TAF1B: variants seen among roughly 807,000 people sequenced by gnomAD.
TAF1B encodes the protein TATA-box binding protein associated factor, RNA polymerase I subunit B, also known as TATA box-binding protein-associated factor RNA polymerase I subunit B.
A neutral mutation model predicts 83.9 loss-of-function variants in TAF1B; 61 were observed. That is an observed-to-expected ratio of 0.73 (90% confidence interval 0.59 to 0.90). The LOEUF (loss-of-function observed/expected upper bound fraction) is 0.90. TAF1B is among the 40% of genes least tolerant of loss of function. TAF1B has a pLI of 0.00. For missense variants in TAF1B, 625 were observed against 677.0 expected, an observed-to-expected ratio of 0.92 and a Z score of 0.85; for synonymous variants, 221 against 224.6, an observed-to-expected ratio of 0.98 and a Z score of 0.14.
chr2:9,890,946 AT>A (rs1664853737), intron 8 of TAF1B, among the ~76,000 whole-genome samples: 1 of 151,658 alleles, frequency 6.6e-6, no homozygotes, highest in African/African-American at 2.4e-5. Flanking sequence ...ACTTTTTTGT[AT>A]TTTTAGTAGA....
chr2:9,904,976 A>G lies in TAF1B; in HGVS notation c.925A>G (p.Met309Val). Residue 309 changes from methionine (M) to valine (V), a missense_variant, in exon 9 of 15, where the codon ATG (methionine) becomes GTG (valine). Transcript: ENST00000263663. ...CTATCTTCATCCCAACATACTGTGT[A>G]TGAAATACTTGATGGAAGTCAACCT... ...DCYLHPNILC[M>V]KYLMEVNLPD... The G allele has an allele frequency of 6.2e-7, 1 of 1,612,664 alleles. No individual in the cohort carries two copies.
At chr2:9,911,247 A>G (rs1037199098) in intron 10 of TAF1B, among the ~76,000 whole-genome samples, 3 of 152,144 alleles carry the variant, frequency 2.0e-5, no homozygotes, top group Non-Finnish European at 4.4e-5. Context: ...ATCTCTATCT[A>G]TATCCCTTTA....
chr2:9,851,659 A>C (rs1663398651), intron 4 of TAF1B, 21 bp downstream of exon 4: 1 of 1,575,248 alleles, frequency 6.3e-7, no homozygotes, highest in African/African-American at 1.4e-5. Context: ...TTGTGACTAG[A>C]TGTTAGCTTT....
intron 12 of TAF1B, among the ~76,000 whole-genome samples, chr2:9,918,401 T>C (rs1288533621): frequency 6.6e-6 from 1 of 152,130 alleles, no homozygotes; most frequent in Non-Finnish European, 1.5e-5. Context: ...AGATGGCTCT[T>C]AGTGTTTGTC....
chr2:9,926,804 CAAAAAAAAA>C (rs71391175), intron 14 of TAF1B, among the ~76,000 whole-genome samples: 2 of 104,850 alleles, frequency 1.9e-5, no homozygotes, highest in African/African-American at 8.3e-5. Flanking sequence ...GACTCTGTCT[CAAAAAAAAA>C]AAAAAAAAAG....
chr2:9,931,429 C>G (rs1222407765), intron 14 of TAF1B, among the ~76,000 whole-genome samples: 1 of 152,084 alleles, frequency 6.6e-6, no homozygotes, highest in Non-Finnish European at 1.5e-5. Flanking sequence ...ACTTATGAAG[C>G]TTAGTTTGGC....
chr2:9,904,882 C>G lies in TAF1B; in HGVS notation c.831C>G (p.Ile277Met). 1 of 1,610,868 alleles carries G rather than the reference C, an allele frequency of 6.2e-7. No individual in the cohort carries two copies. Among genetic ancestry groups the G allele is most frequent in the Non-Finnish European group, 8.5e-7 (1 of 1,177,200 alleles). The change falls in exon 9 of 15, where the codon ATC (isoleucine) becomes ATG (methionine). Residue 277 changes from isoleucine (I) to methionine (M), a missense_variant. Physicochemically the swap from Ile to Met is conservative, Grantham distance 10 (BLOSUM62 1). Transcript: ENST00000263663. ...AGTCTTGGCCTGACTACGAGGACATCTACAAAAAAACAGTAGAAGTTGGAA... is the reference window on the plus strand; with the variant it reads ...AGTCTTGGCCTGACTACGAGGACATGTACAAAAAAACAGTAGAAGTTGGAA... ...GIESWPDYED[I>M]YKKTVEVGTF... is the part of the protein sequence containing the mutation.
At chr2:9,906,704 A>G (rs768070780) in intron 9 of TAF1B, among the ~76,000 whole-genome samples, 3 of 152,240 alleles carry the variant, frequency 2.0e-5, no homozygotes, top group Non-Finnish European at 4.4e-5. Flanking sequence ...AACCACAGCT[A>G]CAGAAAATGA....
At chr2:9,908,028 CTTTTTTTTT>C (rs57261740) in intron 9 of TAF1B, among the ~76,000 whole-genome samples, 18,244 of 71,880 alleles carry the variant, frequency 0.25, 4,122 homozygotes, top group East Asian at 0.49. Context: ...GATCTTAATT[CTTTTTTTTT>C]TTTTTTTTTT....
At chr2:9,872,889 A>T (rs1664212377) in intron 6 of TAF1B, among the ~76,000 whole-genome samples, 1 of 152,214 alleles carries the variant, frequency 6.6e-6, no homozygotes, top group Admixed American at 6.5e-5. Context: ...TTACGTTCTC[A>T]GGTGATACTA....
chr2:9,905,950 C>A (rs969251218), intron 9 of TAF1B, among the ~76,000 whole-genome samples: 3 of 151,970 alleles, frequency 2.0e-5, no homozygotes, highest in African/African-American at 7.2e-5. Context: ...TATTGAGATT[C>A]CAGAAATCAG....
chr2:9,925,284 CA>C (rs1666001815), intron 14 of TAF1B, among the ~76,000 whole-genome samples: 1 of 151,722 alleles, frequency 6.6e-6, no homozygotes, highest in Non-Finnish European at 1.5e-5. Flanking sequence ...TACTAAAATA[CA>C]AAAAATTAGC....
intron 6 of TAF1B, among the ~76,000 whole-genome samples, chr2:9,870,904 C>A (rs1357826504): frequency 6.6e-6 from 1 of 152,120 alleles, no homozygotes; most frequent in Non-Finnish European, 1.5e-5. Context: ...TATTACTAAT[C>A]CATAATTTAT....
chr2:9,913,088 C>A, intron 11 of TAF1B, 71 bp from the exon 12 acceptor site: 2 of 1,311,304 alleles, frequency 1.5e-6, no homozygotes, highest in East Asian at 2.3e-5. Flanking sequence ...TTAATGAAAA[C>A]TCAGATGAAC....
rs981647988 is a variant in TAF1B at position 9,934,204 on chromosome 2, A to G, written c.*220A>G. The G allele has an allele frequency of 7.0e-6, 3 of 427,196 alleles. No individual in the cohort carries two copies. Among genetic ancestry groups the G allele is most frequent in the Non-Finnish European group, 1.3e-5 (3 of 239,762 alleles). 26.5% of individuals were successfully genotyped at this position (427,196 alleles called of 1,614,324 possible). On this transcript the variant is annotated 3_prime_UTR_variant, in exon 15 of 15. Transcript: ENST00000263663. ...TCAGAGTATGAACATTCTAAGAGAA[A>G]GTTAAAACAATAGCAAATTGTATAA...
intron 1 of TAF1B, chr2:9,843,901 A>C: frequency 1.3e-5 from 2 of 155,860 alleles, no homozygotes; most frequent in Non-Finnish European, 1.4e-5. Context: ...GTTCCCTTTA[A>C]TGCTGGGGTG....
intron 14 of TAF1B, among the ~76,000 whole-genome samples, chr2:9,922,890 CTCAA>C (rs1217066278): frequency 6.6e-6 from 1 of 152,148 alleles, no homozygotes; most frequent in Non-Finnish European, 1.5e-5. Flanking sequence ...ATAGTAAGTA[CTCAA>C]TCAAACATAA....
chr2:9,933,887 T>A lies in TAF1B; in HGVS notation c.1670T>A (p.Leu557His). 6.2e-7 allele frequency: 1 copy of A among 1,613,748 alleles called. No individual in the cohort carries two copies. The change falls in exon 15 of 15, where the codon CTC becomes CAC. Residue 557 changes from leucine to histidine, a missense_variant. Leu to His is a moderately conservative substitution (Grantham distance 99). Transcript: ENST00000263663. The part of the protein sequence containing the change: ...SFLLRIKTSL[L>H]HEEVSLVEKK... ...CTGCTCAGAATAAAGACTTCCCTTC[T>A]CCATGAAGAAGTGAGCTTAGTTGAG...
In TAF1B at chr2:9,914,643, C is replaced by CTT. The variant is rs565554602; in HGVS notation, c.1271+1397_1271+1398dup. Among the ~76,000 whole-genome samples, 18 of 152,280 alleles carry CTT rather than the reference C, an allele frequency of 1.2e-4. 1 individual carries two copies. In the South Asian group the frequency reaches 3.7e-3, roughly 32 times the overall value. On this transcript the variant is annotated intron_variant, in intron 12 of 14. Coordinates refer to ENST00000263663, the MANE Select transcript of TAF1B (RefSeq NM_005680.3). This position sits in a 1 kb window ranked among gnomAD's most constrained non-coding sequence, Gnocchi z 4.3. ...CAGTTGCACATTTAAGACTTACCGG[C>CTT]TTTTAGCTACTTTAGGGAATAATTT...
Sources: gnomAD v4.1 joint callset for allele counts (sites outside exome capture counted in the v4.1 genomes callset) on GRCh38, gnomAD v4.1.1 for gene constraint, Gnocchi (gnomAD v3.1) non-coding constraint, MANE v1.5 for transcripts, NCBI Gene and HGNC (gene_info 2026-07-23, HGNC 2026-07-21) for gene names.